Variants in RAVER1 observed in about 807,000 individuals in gnomAD.
RAVER1 encodes ribonucleoprotein, PTB binding 1, also known as ribonucleoprotein PTB-binding 1.
A neutral mutation model predicts 68.4 loss-of-function variants in RAVER1; 36 were observed. The ratio of observed to expected loss-of-function variants is 0.53; its 90% confidence interval spans 0.40 to 0.70. RAVER1 has a LOEUF of 0.70. Among genes scored for constraint, RAVER1 ranks in the 30% least tolerant of loss-of-function variants. RAVER1 has a pLI of 0.00. For synonymous variants in RAVER1, 469 were observed against 472.7 expected (o/e 0.99, Z 0.10); for missense variants, 933 against 1,019.8 (o/e 0.91, Z 1.16).
rs776105690 is a variant in RAVER1 at position 10,317,604 on chromosome 19, G to A, written c.2074-4C>T. 3.7e-6 allele frequency: 6 copies of A among 1,600,234 alleles called. No individual in the cohort carries two copies. The highest frequency in any genetic ancestry group is 2.0e-4 in the Middle Eastern group (1 of 5,068). ...GTTTCTGGCCGCCCAGTGGGGTCTGGAGACAGAGGGCAGGGCGGGGCGGGT... is the reference window on the plus strand; with the variant it reads ...GTTTCTGGCCGCCCAGTGGGGTCTGAAGACAGAGGGCAGGGCGGGGCGGGT... On this transcript the variant is annotated splice_region_variant and splice_polypyrimidine_tract_variant and intron_variant, in intron 12 of 12. Coordinates refer to ENST00000617231, the MANE Select transcript of RAVER1 (RefSeq NM_133452.3). This position sits in a 1 kb window ranked among gnomAD's most constrained non-coding sequence, Gnocchi z 4.3.
At chr19:10,319,066 A>G in intron 10 of RAVER1, 100 bp downstream of exon 10, 6 of 1,144,416 alleles carry the variant, frequency 5.2e-6, no homozygotes, top group Non-Finnish European at 6.4e-6. Flanking sequence ...CAAAGAACAC[A>G]CAAAATACAA....
At chr19:10,331,393 C>A (rs143737943) in intron 1 of RAVER1, among the ~76,000 whole-genome samples, 4,833 of 47,064 alleles carry the variant, frequency 0.1, 48 homozygotes, top group African/African-American at 0.12. Flanking sequence ...ATAACAACAA[C>A]AAAAAAAAAA....
chr19:10,317,680 C>G lies in RAVER1; in HGVS notation c.2073+10G>C. On this transcript the variant is annotated intron_variant, in intron 12 of 12. Transcript: ENST00000617231. The surrounding 1 kb of genome is among the most constrained non-coding windows in gnomAD (Gnocchi z 4.3). ...TCCCAGCCCTGCATGTCCCCACCCC[C>G]TGCCCGTACCTTCAGCAGGTGGCTG... is the stretch of plus-strand genomic sequence containing the variant. The G allele has an allele frequency of 6.4e-7, 1 of 1,568,060 alleles. No individual in the cohort carries two copies. The highest frequency in any genetic ancestry group is 8.7e-7 in the Non-Finnish European group (1 of 1,155,090).
chr19:10,316,551 A>G lies in RAVER1; in HGVS notation c.*903T>C. 1.0e-6 allele frequency: 1 copy of G among 987,522 alleles called. No individual in the cohort carries two copies. Among genetic ancestry groups the G allele is most frequent in the African/African-American group, 1.7e-5 (1 of 57,358 alleles). The allele number at this position is 987,522 out of a possible 1,614,324, so 61.2% of individuals were successfully genotyped here. A position where few individuals can be genotyped will look rare whatever the true frequency, so the allele number is the denominator to read the frequency against. On this transcript the variant is annotated 3_prime_UTR_variant, in exon 13 of 13. Coordinates refer to ENST00000617231, the MANE Select transcript of RAVER1 (RefSeq NM_133452.3). ...ACAGCAGAGGCTCCGGGAGATGGGC[A>G]CAATGTCCGACTCCCACAGACAGAC...
chr19:10,320,563 A>G, intron 9 of RAVER1, 92 bp downstream of exon 9: 1 of 1,193,784 alleles, frequency 8.4e-7, no homozygotes, highest in African/African-American at 1.6e-5. Flanking sequence ...CCGCCTCCCT[A>G]GCACATGGCC....
intron 9 of RAVER1, among the ~76,000 whole-genome samples, 179 bp from the exon 10 acceptor site, chr19:10,319,419 C>G (rs1011624326): frequency 5.9e-5 from 9 of 152,346 alleles, no homozygotes; most frequent in Admixed American, 5.2e-4. Context: ...GGGGGTGCCC[C>G]CCATGGGCCT....
In RAVER1 at chr19:10,320,697, G is replaced by C. The variant is rs532018885; in HGVS notation, c.1728C>G (p.Pro576=). 1.9e-6 allele frequency: 3 copies of C among 1,548,746 alleles called. No homozygotes were observed. The highest frequency in any genetic ancestry group is 2.8e-5 in the African/African-American group (2 of 71,688). The part of the protein sequence containing the change: ...LSPLSSARLP[P]EPGLSDSYSF... The stretch of plus-strand genomic sequence containing the variant: ...TGTAGCTGTCAGACAGTCCTGGTTC[G>C]GGGGGCAGGCGGGCGCTGCTGAGGG... The change falls in exon 9 of 13, where the codon CCC becomes CCG. Residue 576 remains proline, a synonymous_variant. Coordinates refer to ENST00000617231, the MANE Select transcript of RAVER1 (RefSeq NM_133452.3).
Position 10,329,180 on chromosome 19 carries a change from T to A in RAVER1, c.287-69A>T. 1 of 997,748 alleles carries A rather than the reference T, an allele frequency of 1.0e-6. No homozygotes were observed. Among genetic ancestry groups the A allele is most frequent in the Non-Finnish European group, 1.4e-6 (1 of 689,854 alleles). The allele number at this position is 997,748 out of a possible 1,614,324, so 61.8% of individuals were successfully genotyped here. ...GGCCTGCCCCTCCACCCCGCCACCC[T>A]GCAAACCAGGTGGGACCTCCAAATG... On this transcript the variant is annotated intron_variant, in intron 2 of 12. Transcript: ENST00000617231. The surrounding 1 kb of genome is among the most constrained non-coding windows in gnomAD (Gnocchi z 4.6).
intron 6 of RAVER1, 35 bp from the exon 7 acceptor site, chr19:10,321,653 C>A (rs772326603): frequency 2.9e-6 from 4 of 1,381,078 alleles, no homozygotes; most frequent in South Asian, 3.9e-5. Context: ...CAGATGGGGG[C>A]AGGGTGGCCC....
chr19:10,317,356 A>G lies in RAVER1; in HGVS notation c.*98T>C. 1 of 1,335,456 alleles carries G rather than the reference A, an allele frequency of 7.5e-7. No individual in the cohort carries two copies. Among genetic ancestry groups the G allele is most frequent in the Non-Finnish European group, 1.1e-6 (1 of 937,762 alleles). The allele number at this position is 1,335,456 out of a possible 1,614,324, so 82.7% of individuals were successfully genotyped here. ...TCTTTCAGAGATTTTTCTATTACCG[A>G]AAGAGAGAAAATGGTTTAAAAAAAA... On this transcript the variant is annotated 3_prime_UTR_variant, in exon 13 of 13. Transcript: ENST00000617231. The surrounding 1 kb of genome is among the most constrained non-coding windows in gnomAD (Gnocchi z 4.3).
intron 6 of RAVER1, chr19:10,321,862 C>T (rs1276576240): frequency 6.0e-6 from 2 of 335,306 alleles, no homozygotes; most frequent in Non-Finnish European, 1.1e-5. Flanking sequence ...AGCACAGTAT[C>T]AACTGCAGCC....
chr19:10,331,384 T>C (rs176002), intron 1 of RAVER1, among the ~76,000 whole-genome samples: 4,727 of 31,430 alleles, frequency 0.15, 761 homozygotes, highest in Middle Eastern at 0.17. Context: ...AAAAAAAAAA[T>C]AACAACAACA....
chr19:10,330,516 T>C lies in RAVER1; in HGVS notation c.230A>G (p.Asp77Gly). The C allele has an allele frequency of 6.7e-7, 1 of 1,492,340 alleles. No homozygotes were observed. The allele number at this position is 1,492,340 out of a possible 1,614,324, so 92.4% of individuals were successfully genotyped here. ...PGDVTNQEVH[D>G]LLSDYELKYC... ...TTTGAGCTCATAGTCACTGAGCAGG[T>C]CATGTACTTCCTGTGGAGATACAAG... The change falls in exon 2 of 13, where the codon GAC (aspartate) becomes GGC (glycine). Residue 77 changes from aspartate to glycine, a missense_variant. Physicochemically the swap from Asp to Gly is moderately conservative, Grantham distance 94. Coordinates refer to ENST00000617231, the MANE Select transcript of RAVER1 (RefSeq NM_133452.3).
chr19:10,326,092 T>C (rs56381248), intron 3 of RAVER1, among the ~76,000 whole-genome samples: 5,178 of 151,934 alleles, frequency 0.034, 98 homozygotes, highest in East Asian at 0.049. Context: ...CCCATCTCTA[T>C]TAAAAACACA....
At chr19:10,321,743 C>T in intron 6 of RAVER1, 125 bp from the exon 7 acceptor site, 1 of 656,384 alleles carries the variant, frequency 1.5e-6, no homozygotes, top group Non-Finnish European at 2.3e-6. Flanking sequence ...GGCAGACAGG[C>T]ACAGGGTTCC....
chr19:10,325,530 C>G lies in RAVER1; in HGVS notation c.757-1964G>C, dbSNP rs796814770. Among the ~76,000 whole-genome samples, 3 of 152,020 alleles carry G rather than the reference C, an allele frequency of 2.0e-5. No individual in the cohort carries two copies. In the East Asian group the frequency reaches 5.8e-4, roughly 29 times the overall value. ...AGGCGTGAGCCACCGTGCCATGAGA[C>G]AGGGTTTTACCATGTTGGCCAGGCT... On this transcript the variant is annotated intron_variant, in intron 3 of 12. Coordinates refer to ENST00000617231, the MANE Select transcript of RAVER1 (RefSeq NM_133452.3).
Position 10,317,783 on chromosome 19 carries a change from A to G in RAVER1, c.1990-10T>C. On this transcript the variant is annotated splice_polypyrimidine_tract_variant and intron_variant, in intron 11 of 12. Transcript: ENST00000617231. This position sits in a 1 kb window ranked among gnomAD's most constrained non-coding sequence, Gnocchi z 4.3. ...GGGAAGAGCCGATTGCCTGGGAGAAATGGAGAGGTGGAACAGGTCACTCCC... is the reference window on the plus strand; with the variant it reads ...GGGAAGAGCCGATTGCCTGGGAGAAGTGGAGAGGTGGAACAGGTCACTCCC... 2 of 1,538,218 alleles carry G rather than the reference A, an allele frequency of 1.3e-6. No individual in the cohort carries two copies. The highest frequency in any genetic ancestry group is 1.8e-6 in the Non-Finnish European group (2 of 1,125,444).
rs2040535763 is a variant in RAVER1 at position 10,333,143 on chromosome 19, G to A, written c.219+146C>T. The stretch of plus-strand genomic sequence containing the variant: ...CATCGCCCCCCCACGTCCCGCTCTT[G>A]GTCTCTCCCGATCCCGCGTGGATCC... On this transcript the variant is annotated intron_variant, in intron 1 of 12. Transcript: ENST00000617231. The surrounding 1 kb of genome is among the most constrained non-coding windows in gnomAD (Gnocchi z 4.2). 1 of 765,152 alleles carries A rather than the reference G, an allele frequency of 1.3e-6. No homozygotes were observed. The highest frequency in any genetic ancestry group is 1.8e-5 in the African/African-American group (1 of 56,658). 47.4% of individuals were successfully genotyped at this position (765,152 alleles called of 1,614,324 possible).
At chr19:10,332,062 A>G (rs934075255) in intron 1 of RAVER1, among the ~76,000 whole-genome samples, 3 of 152,226 alleles carry the variant, frequency 2.0e-5, no homozygotes, top group African/African-American at 7.2e-5. Flanking sequence ...TAGCACAATC[A>G]TAGCTCACTG....
Sources: allele counts gnomAD v4.1 joint callset (sites outside exome capture counted in the v4.1 genomes callset), GRCh38; gene constraint gnomAD v4.1.1; non-coding constraint Gnocchi (gnomAD v3.1); transcripts MANE v1.5; gene names NCBI Gene and HGNC (gene_info 2026-07-23, HGNC 2026-07-21).